KREMEN1: variants seen among roughly 807,000 people sequenced by gnomAD.
KREMEN1 encodes kringle containing transmembrane protein 1.
Under a neutral mutation model 46.5 loss-of-function variants are expected in KREMEN1, and 30 were observed. The ratio of observed to expected loss-of-function variants is 0.65; its 90% CI spans 0.48 to 0.88. The LOEUF (loss-of-function observed/expected upper bound fraction) is 0.88. Ranked by LOEUF, KREMEN1 falls within the 40% of genes least tolerant of loss-of-function variation. KREMEN1 has a pLI of 0.00. For missense variants in KREMEN1, 533 were observed against 596.9 expected, an observed-to-expected ratio of 0.89 and a Z score of 1.11; for synonymous variants, 214 against 230.6, an observed-to-expected ratio of 0.93 and a Z score of 0.65.
At chr22:29,079,667 T>C (rs1396836565) in intron 1 of KREMEN1, among the ~76,000 whole-genome samples, 2 of 152,194 alleles carry the variant, frequency 1.3e-5, no homozygotes, top group Non-Finnish European at 2.9e-5. Flanking sequence ...AGCTAGGAAA[T>C]AGTAAAAACA....
chr22:29,141,808 T>C, intron 8 of KREMEN1, 136 bp from the exon 9 acceptor site: 1 of 581,726 alleles, frequency 1.7e-6, no homozygotes, highest in Non-Finnish European at 2.8e-6. Context: ...CGCTAGTCCT[T>C]CAGATCTTTA....
At chr22:29,102,400 A>T (rs2037991860) in intron 3 of KREMEN1, among the ~76,000 whole-genome samples, 1 of 152,234 alleles carries the variant, frequency 6.6e-6, no homozygotes, top group Admixed American at 6.5e-5. Context: ...AAAATGAAAA[A>T]CATCTCATTT....
At position 29,105,490 on chromosome 22, in the gene KREMEN1, C is replaced by CACACAG. The variant is rs1556005991; in HGVS notation, c.352+6542_352+6543insGACACA. Among the ~76,000 whole-genome samples, 6 of 152,070 alleles carry CACACAG rather than the reference C, an allele frequency of 3.9e-5. No homozygotes were observed. In the East Asian group the frequency reaches 1.2e-3, roughly 29 times the overall value. On this transcript the variant is annotated intron_variant, in intron 3 of 8. Coordinates refer to ENST00000400335, the MANE Select transcript of KREMEN1 (RefSeq NM_001039570.3). ...ACACACACACACATACACACACACACACACACACACACACACACACACTCT... is the reference window on the plus strand; with the variant it reads ...ACACACACACACATACACACACACACACACAGACACACACACACACACACACACTCT...
Position 29,138,772 on chromosome 22 carries a change from G to A in KREMEN1, c.1113G>A (p.Gln371=), listed in dbSNP as rs890358830. The change falls in exon 7 of 9, where the codon CAG becomes CAA. Residue 371 remains glutamine (Q), a synonymous_variant. Coordinates refer to ENST00000400335, the MANE Select transcript of KREMEN1 (RefSeq NM_001039570.3). ...CCACCAGCCCCAGCCACCCACCTCAGACTGTCCCAGGTAGCAATTCCTGGG... is the reference window on the plus strand; with the variant it reads ...CCACCAGCCCCAGCCACCCACCTCAAACTGTCCCAGGTAGCAATTCCTGGG... ...VITTSPSHPP[Q]TVPGWTVYGL... is the part of the protein sequence containing the mutation. 1 of 1,614,226 alleles carries A rather than the reference G, an allele frequency of 6.2e-7. No homozygotes were observed. Among genetic ancestry groups the A allele is most frequent in the Non-Finnish European group, 8.5e-7 (1 of 1,180,040 alleles).
intron 5 of KREMEN1, among the ~76,000 whole-genome samples, chr22:29,134,565 C>A (rs2038627348): frequency 6.6e-6 from 1 of 152,056 alleles, no homozygotes; most frequent in Admixed American, 6.6e-5. Flanking sequence ...TGTCTTTCCC[C>A]CCTCCCACCC....
At chr22:29,093,707 A>C (rs183348095) in intron 1 of KREMEN1, among the ~76,000 whole-genome samples, 1 of 152,300 alleles carries the variant, frequency 6.6e-6, no homozygotes, top group Admixed American at 6.5e-5. Context: ...GTTCTTCATT[A>C]CCAGGGAATG....
At chr22:29,128,551 A>G (rs1361658040) in intron 5 of KREMEN1, among the ~76,000 whole-genome samples, 3 of 152,200 alleles carry the variant, frequency 2.0e-5, no homozygotes, top group Non-Finnish European at 2.9e-5. Flanking sequence ...TAAATGCAGC[A>G]CTATGGAAAT....
intron 5 of KREMEN1, among the ~76,000 whole-genome samples, chr22:29,135,360 C>G (rs909303807): frequency 6.6e-6 from 1 of 152,160 alleles, no homozygotes. Flanking sequence ...ACTCCCTCCC[C>G]CAGAGGCAAA....
downstream of KREMEN1, among the ~76,000 whole-genome samples, chr22:29,150,224 G>C (rs6006031): frequency 8.1e-4 from 102 of 125,814 alleles, no homozygotes; most frequent in African/African-American, 2.7e-3. Context: ...CAACTGGTGG[G>C]GGGGGGGGCA....
chr22:29,079,640 C>CAA (rs1369046009), intron 1 of KREMEN1, among the ~76,000 whole-genome samples: 2 of 152,206 alleles, frequency 1.3e-5, no homozygotes, highest in African/African-American at 2.4e-5. Context: ...ACGGTATACT[C>CAA]ACACACAAAA....
intron 3 of KREMEN1, among the ~76,000 whole-genome samples, chr22:29,108,481 C>A (rs988220954): frequency 6.6e-6 from 1 of 152,146 alleles, no homozygotes; most frequent in African/African-American, 2.4e-5. Context: ...TCATTGGTGC[C>A]TTCCAGAGTT....
At position 29,138,845 on chromosome 22, in the gene KREMEN1, G is replaced by A. The variant is rs756913358; in HGVS notation, c.1123+63G>A. 2.5e-6 allele frequency: 4 copies of A among 1,613,174 alleles called. No individual in the cohort carries two copies. In the African/African-American group the frequency reaches 4.0e-5, roughly 16 times the overall value. The stretch of plus-strand genomic sequence containing the variant: ...CCACAGAGTTGAAGGTAGCGCTCTT[G>A]ACAGTTATAAAGACAAAAGCACTTG... On this transcript the variant is annotated intron_variant, in intron 7 of 8. Transcript: ENST00000400335.
chr22:29,111,332 G>C (rs895084215), intron 3 of KREMEN1, among the ~76,000 whole-genome samples: 1 of 149,360 alleles, frequency 6.7e-6, no homozygotes, highest in Admixed American at 6.7e-5. Context: ...AAAAAATTAG[G>C]CCGGGTGCGG....
intron 3 of KREMEN1, among the ~76,000 whole-genome samples, chr22:29,108,084 A>G (rs6519774): frequency 0.03 from 4,601 of 152,324 alleles, 204 homozygotes; most frequent in African/African-American, 0.094. Context: ...CCACGAGTTC[A>G]ACGCCAGCCT....
intron 2 of KREMEN1, among the ~76,000 whole-genome samples, chr22:29,095,786 C>G (rs1296266972): frequency 6.6e-6 from 1 of 152,112 alleles, no homozygotes; most frequent in Non-Finnish European, 1.5e-5. Context: ...TATCCCTATA[C>G]CTTTCTCTAT....
rs1286606188 is a variant in KREMEN1 at position 29,145,335 on chromosome 22, G to C, written c.*3223G>C. ...GCAGAAGACTGCAGGAGAGGCAGGG[G>C]AGGGGCTTCGGGGACCACTGTGGAC... On this transcript the variant is annotated 3_prime_UTR_variant, in exon 9 of 9. Coordinates refer to ENST00000400335, the MANE Select transcript of KREMEN1 (RefSeq NM_001039570.3). 2 of 985,472 alleles carry C rather than the reference G, an allele frequency of 2.0e-6. No homozygotes were observed. Among genetic ancestry groups the C allele is most frequent in the African/African-American group, 3.5e-5 (2 of 57,246 alleles). 61.0% of individuals were successfully genotyped at this position (985,472 alleles called of 1,614,324 possible). A position where few individuals can be genotyped will look rare whatever the true frequency, so the allele number is the denominator to read the frequency against.
intron 4 of KREMEN1, among the ~76,000 whole-genome samples, chr22:29,122,960 A>G (rs925570249): frequency 6.6e-6 from 1 of 151,048 alleles, no homozygotes; most frequent in African/African-American, 2.4e-5. Context: ...AAAAAAAAAA[A>G]AAAAAAGACA....
At chr22:29,153,528 T>G (rs1195822519) in intron 9 of KREMEN1, among the ~76,000 whole-genome samples, 2 of 152,154 alleles carry the variant, frequency 1.3e-5, no homozygotes, top group African/African-American at 4.8e-5. Context: ...TTTTCTTTTT[T>G]TTTTAATTAT....
chr22:29,094,599 A>G (rs1332955903), intron 2 of KREMEN1, among the ~76,000 whole-genome samples, 179 bp downstream of exon 2: 5 of 148,462 alleles, frequency 3.4e-5, no homozygotes, highest in Non-Finnish European at 7.4e-5. Flanking sequence ...ACACACACAC[A>G]CACACACACA....
Sources: gnomAD v4.1 joint callset for allele counts (sites outside exome capture counted in the v4.1 genomes callset) on GRCh38, gnomAD v4.1.1 for gene constraint, MANE v1.5 for transcripts, NCBI Gene and HGNC (gene_info 2026-07-23, HGNC 2026-07-21) for gene names.